ABCB11: variants seen among roughly 807,000 people sequenced by gnomAD.
ABCB11 encodes ATP binding cassette subfamily B member 11.
In ABCB11, 95 loss-of-function variants were observed where a neutral mutation model predicts 148.0. The ratio of observed to expected loss-of-function variants is 0.64; its 90% CI spans 0.54 to 0.76. The LOEUF is 0.76. Among genes scored for constraint, ABCB11 ranks in the 30% least tolerant of loss-of-function variants. ABCB11 has a pLI of 0.00. For missense variants in ABCB11, 1,523 were observed against 1,617.8 expected (o/e 0.94, Z 1.01); for synonymous variants, 591 against 555.4 (o/e 1.06, Z -0.90).
At chr2:169,005,981 G>A (rs558855613) in intron 5 of ABCB11, among the ~76,000 whole-genome samples, 17 of 152,234 alleles carry the variant, frequency 1.1e-4, no homozygotes, top group Admixed American at 4.6e-4. Context: ...AGCATTTAAA[G>A]AACTAATACC....
intron 5 of ABCB11, among the ~76,000 whole-genome samples, chr2:169,008,310 CAGCTCTTGAT>C (rs1254371839): frequency 3.3e-5 from 5 of 152,154 alleles, no homozygotes; most frequent in African/African-American, 4.8e-5. Flanking sequence ...CTGCTTCTTC[CAGCTCTTGAT>C]AGCTGCTGAC....
At chr2:168,934,874 A>G (rs1691744155) in intron 23 of ABCB11, among the ~76,000 whole-genome samples, 1 of 152,190 alleles carries the variant, frequency 6.6e-6, no homozygotes, top group Non-Finnish European at 1.5e-5. Flanking sequence ...AGACTTGAAA[A>G]GTACTTGCAC....
At chr2:169,013,209 A>C (rs915506494) in intron 5 of ABCB11, 63 bp downstream of exon 5, 2 of 1,298,186 alleles carry the variant, frequency 1.5e-6, no homozygotes, top group African/African-American at 3.0e-5. Context: ...CCCTCTATAC[A>C]TTTTGAATTA....
chr2:169,011,257 C>T (rs1322765645), intron 5 of ABCB11, among the ~76,000 whole-genome samples: 2 of 152,030 alleles, frequency 1.3e-5, no homozygotes, highest in Non-Finnish European at 2.9e-5. Context: ...AAGTGTTATC[C>T]GTGGCTTGGG....
In ABCB11 at chr2:168,990,793, T is replaced by C; in HGVS notation, c.908+8A>G. The C allele has an allele frequency of 6.2e-7, 1 of 1,612,544 alleles. No homozygotes were observed. ...ATTAAGGAAAGAATCAGATTCCAAT[T>C]AACCAACCTTTCAACCTCTCTTTTC... On this transcript the variant is annotated splice_region_variant and intron_variant, in intron 9 of 27. Coordinates refer to ENST00000650372, the MANE Select transcript of ABCB11 (RefSeq NM_003742.4).
At chr2:169,025,329 T>C (rs2106073114) in intron 1 of ABCB11, among the ~76,000 whole-genome samples, 1 of 152,302 alleles carries the variant, frequency 6.6e-6, no homozygotes, top group South Asian at 2.1e-4. Flanking sequence ...TCTCTCCACG[T>C]CCTGATTTCT....
At chr2:168,992,113 T>C (rs1272291038) in intron 8 of ABCB11, among the ~76,000 whole-genome samples, 8 of 151,726 alleles carry the variant, frequency 5.3e-5, no homozygotes, top group Admixed American at 5.3e-4. Flanking sequence ...CCTAGTGAAG[T>C]TGCTTGTATA....
At position 168,923,206 on chromosome 2, in the gene ABCB11, C is replaced by T. The variant is rs77005833; in HGVS notation, c.*416G>A. 129 of 177,818 alleles carry T rather than the reference C, an allele frequency of 7.3e-4. No homozygotes were observed. The highest frequency in any genetic ancestry group is 3.0e-3 in the African/African-American group (128 of 42,462). The allele number at this position is 177,818 out of a possible 1,614,324, so 11.0% of individuals were successfully genotyped here. A position where few individuals can be genotyped will look rare whatever the true frequency, so the allele number is the denominator to read the frequency against. The stretch of plus-strand genomic sequence containing the variant: ...ACGTTTGTTGATTGCCTGTTATAGA[C>T]CCGCCTCTGTGTACACCGAGGGTTC... On this transcript the variant is annotated 3_prime_UTR_variant, in exon 28 of 28. Coordinates refer to ENST00000650372, the MANE Select transcript of ABCB11 (RefSeq NM_003742.4).
In ABCB11 at chr2:168,927,291, C is replaced by A. The variant is rs1448201427; in HGVS notation, c.3483G>T (p.Gln1161His). 1 of 1,613,790 alleles carries A rather than the reference C, an allele frequency of 6.2e-7. No individual in the cohort carries two copies. Among genetic ancestry groups the A allele is most frequent in the Non-Finnish European group, 8.5e-7 (1 of 1,179,828 alleles). The change falls in exon 26 of 28, where the codon CAG becomes CAT. Residue 1161 changes from glutamine to histidine, a missense_variant. Physicochemically the swap from Gln to His is conservative, Grantham distance 24. Coordinates refer to ENST00000650372, the MANE Select transcript of ABCB11 (RefSeq NM_003742.4). ...FLRSNIGIVS[Q>H]EPVLFACSIM... is the part of the protein sequence containing the mutation. The stretch of plus-strand genomic sequence containing the variant: ...TGCTACAGGCAAACAACACTGGTTC[C>A]TGGGAAACAATTCCAATGTTTGAGC...
intron 11 of ABCB11, among the ~76,000 whole-genome samples, chr2:168,978,049 T>G (rs146813588): frequency 2.0e-5 from 3 of 152,226 alleles, no homozygotes; most frequent in Non-Finnish European, 4.4e-5. Context: ...CCTTAATTTT[T>G]TAGTTTCAGG....
intron 3 of ABCB11, among the ~76,000 whole-genome samples, chr2:169,016,393 A>G (rs1695357659): frequency 6.6e-6 from 1 of 152,178 alleles, no homozygotes; most frequent in Non-Finnish European, 1.5e-5. Context: ...ATGAGAATTC[A>G]AAATCTTTAG....
intron 19 of ABCB11, among the ~76,000 whole-genome samples, chr2:168,952,975 C>A (rs1400018735): frequency 2.0e-5 from 3 of 151,578 alleles, no homozygotes. Context: ...AGTGATTATT[C>A]AAGAGTATGC....
intron 12 of ABCB11, 64 bp downstream of exon 12, chr2:168,976,513 G>A: frequency 1.0e-6 from 1 of 959,656 alleles, no homozygotes; most frequent in South Asian, 2.0e-5. Context: ...GCAATTTGTG[G>A]TTATGCAAAT....
In ABCB11 at chr2:168,976,559, G is replaced by T. The variant is rs370933364; in HGVS notation, c.1308+18C>A. The T allele has an allele frequency of 6.5e-6, 9 of 1,377,764 alleles. No individual in the cohort carries two copies. The African/African-American group carries it at 1.2e-4, about 18-fold the overall frequency. 85.3% of individuals were successfully genotyped at this position (1,377,764 alleles called of 1,614,324 possible). A position where few individuals can be genotyped will look rare whatever the true frequency, so the allele number is the denominator to read the frequency against. On this transcript the variant is annotated intron_variant, in intron 12 of 27. Transcript: ENST00000650372. Reference sequence around the variant, plus strand: ...AGAAGAAAACATTTACTATTCTGGGGAACAGACCAGCACTCACCTTCACCT... The same window carrying T: ...AGAAGAAAACATTTACTATTCTGGGTAACAGACCAGCACTCACCTTCACCT...
intron 5 of ABCB11, among the ~76,000 whole-genome samples, chr2:169,010,985 T>C (rs919831110): frequency 6.6e-6 from 1 of 152,192 alleles, no homozygotes; most frequent in Non-Finnish European, 1.5e-5. Flanking sequence ...CCTCAGTTTG[T>C]ATTCTTTGCT....
intron 19 of ABCB11, among the ~76,000 whole-genome samples, chr2:168,954,492 A>C (rs1338173454): frequency 6.6e-6 from 1 of 151,334 alleles, no homozygotes; most frequent in African/African-American, 2.4e-5. Flanking sequence ...TTCTGGCAGG[A>C]CACAAAATTC....
chr2:168,922,189 A>G lies in ABCB11; in HGVS notation c.*1433T>C, dbSNP rs139090149. ...GATTGGCCAATTTCCCCAGAAAATC[A>G]TTCTTCAATCTCCTGCCAGAAGAGA... On this transcript the variant is annotated 3_prime_UTR_variant, in exon 28 of 28. Coordinates refer to ENST00000650372, the MANE Select transcript of ABCB11 (RefSeq NM_003742.4). Among the ~76,000 whole-genome samples the G allele has an allele frequency of 1.8e-3, 274 of 152,234 alleles. 1 individual carries two copies. Among genetic ancestry groups the G allele is most frequent in the African/African-American group, 6.3e-3 (261 of 41,560 alleles).
intron 25 of ABCB11, among the ~76,000 whole-genome samples, chr2:168,929,162 T>C (rs1331496938): frequency 3.3e-5 from 5 of 152,120 alleles, no homozygotes; most frequent in Non-Finnish European, 7.4e-5. Flanking sequence ...CAGACCCATA[T>C]CTATGAACTA....
chr2:168,969,201 C>T, intron 16 of ABCB11, 149 bp downstream of exon 16: 1 of 695,710 alleles, frequency 1.4e-6, no homozygotes, highest in South Asian at 2.1e-5. Flanking sequence ...GCTTAGCTTC[C>T]TGAGCTTCAG....
Sources: gnomAD v4.1 joint callset for allele counts (sites outside exome capture counted in the v4.1 genomes callset) on GRCh38, gnomAD v4.1.1 for gene constraint, MANE v1.5 for transcripts, NCBI Gene and HGNC (gene_info 2026-07-23, HGNC 2026-07-21) for gene names.